The following FOXO3 variants were observed in gnomAD, a reference collection of about 807,000 sequenced individuals.
FOXO3 encodes the protein forkhead box protein O3.
Under a neutral mutation model 41.9 loss-of-function variants are expected in FOXO3, and 4 were observed. The ratio of observed to expected loss-of-function variants is 0.10; its 90% confidence interval spans 0.05 to 0.22. The LOEUF (loss-of-function observed/expected upper bound fraction) is 0.22, where lower values mean the gene tolerates loss of function less well. FOXO3 is among the 10% of genes least tolerant of loss of function. The pLI is 1.00. For synonymous variants in FOXO3, 318 were observed against 389.3 expected (o/e 0.82, Z 2.16); for missense variants, 534 against 906.8 (o/e 0.59, Z 5.28).
chr6:108,619,874 A>G (rs181081314), intron 1 of FOXO3, among the ~76,000 whole-genome samples: 17 of 152,302 alleles, frequency 1.1e-4, no homozygotes, highest in Non-Finnish European at 2.1e-4. Context: ...TAATGCCTAA[A>G]TCTCACTTAA....
intron 1 of FOXO3, among the ~76,000 whole-genome samples, chr6:108,633,842 TAA>T (rs58983314): frequency 1.4e-5 from 2 of 142,336 alleles, no homozygotes; most frequent in African/African-American, 5.1e-5. Context: ...AGAAGTCAAT[TAA>T]AAAAAAAAAA....
intron 1 of FOXO3, among the ~76,000 whole-genome samples, chr6:108,581,935 T>C (rs1776432740): frequency 6.6e-6 from 1 of 152,236 alleles, no homozygotes; most frequent in African/African-American, 2.4e-5. Flanking sequence ...ATTTCTCATC[T>C]GCATGAAAAA....
At position 108,664,041 on chromosome 6, in the gene FOXO3, C is replaced by G; in HGVS notation, c.1208C>G (p.Pro403Arg). 6 of 1,614,204 alleles carry G rather than the reference C, an allele frequency of 3.7e-6. No individual in the cohort carries two copies. Among genetic ancestry groups the G allele is most frequent in the Non-Finnish European group, 5.1e-6 (6 of 1,180,048 alleles). The part of the protein sequence containing the change: ...NITLPPSQPS[P>R]TGGLMQRSSS... ...ACGCTCCCGCCATCCCAGCCATCGC[C>G]CACTGGGGGACTCATGCAGCGGAGC... Residue 403 changes from proline (P) to arginine (R), a missense_variant, in exon 2 of 3, where the codon CCC becomes CGC. By Grantham distance (103) the Pro-to-Arg change is moderately radical (BLOSUM62 -2). This residue lies in a region of FOXO3 where 185 missense variants were observed against 224.9 expected (regional missense o/e 0.82). Transcript: ENST00000406360.
chr6:108,620,190 A>G (rs17598747), intron 1 of FOXO3, among the ~76,000 whole-genome samples: 14,737 of 152,170 alleles, frequency 0.097, 738 homozygotes, highest in East Asian at 0.15. Context: ...AAAACAGACT[A>G]TGCTTGTACT....
chr6:108,683,050 CTG>C lies in FOXO3; in HGVS notation c.*3261_*3262del, dbSNP rs1770928091. On this transcript the variant is annotated 3_prime_UTR_variant, in exon 3 of 3. Transcript: ENST00000406360. ...TGCCAGGCTCAGTGTACCCCATTAA[CTG>C]TGAATGAATCTGAGCTTGGTTTCCT... is the stretch of plus-strand genomic sequence containing the variant. 6.6e-6 allele frequency: 1 copy of C among 152,660 alleles called. No individual in the cohort carries two copies. Among genetic ancestry groups the C allele is most frequent in the South Asian group, 2.1e-4 (1 of 4,828 alleles). 9.5% of individuals were successfully genotyped at this position (152,660 alleles called of 1,614,324 possible).
At chr6:108,573,810 C>T (rs963250029) in intron 1 of FOXO3, among the ~76,000 whole-genome samples, 6 of 151,742 alleles carry the variant, frequency 4.0e-5, no homozygotes, top group Non-Finnish European at 7.4e-5. Context: ...GCCTGGGGGA[C>T]AAGAGCAAGA....
At chr6:108,569,987 G>GTTTTTTTTTTTTTTTTTT (rs71015551) in intron 1 of FOXO3, among the ~76,000 whole-genome samples, 14 of 73,262 alleles carry the variant, frequency 1.9e-4, no homozygotes, top group Non-Finnish European at 2.9e-4. Flanking sequence ...CCCTTGCGTG[G>GTTTTTTTTTTTTTTTTTT]TTTTTTTTTT....
At chr6:108,624,209 C>T (rs908238871) in intron 1 of FOXO3, among the ~76,000 whole-genome samples, 1 of 151,990 alleles carries the variant, frequency 6.6e-6, no homozygotes, top group Non-Finnish European at 1.5e-5. Context: ...AAAGATTTAT[C>T]CTGCATCTGA....
intron 1 of FOXO3, among the ~76,000 whole-genome samples, chr6:108,596,796 G>C (rs1316248619): frequency 6.6e-6 from 1 of 152,172 alleles, no homozygotes. Flanking sequence ...CGTACCAGCA[G>C]ACTGAAGCCC....
At chr6:108,634,175 T>C (rs1016210580) in intron 1 of FOXO3, among the ~76,000 whole-genome samples, 5 of 152,128 alleles carry the variant, frequency 3.3e-5, no homozygotes, top group Non-Finnish European at 7.4e-5. Flanking sequence ...ACAGGAGGCA[T>C]GAAAGAAAAA....
chr6:108,601,905 GGTT>G (rs1431788208), intron 1 of FOXO3, among the ~76,000 whole-genome samples: 1 of 152,152 alleles, frequency 6.6e-6, no homozygotes, highest in Non-Finnish European at 1.5e-5. Flanking sequence ...TGGACATTTG[GGTT>G]GTTTTCAGTT....
At chr6:108,573,900 T>C (rs545238882) in intron 1 of FOXO3, among the ~76,000 whole-genome samples, 1 of 152,148 alleles carries the variant, frequency 6.6e-6, no homozygotes, top group Non-Finnish European at 1.5e-5. Context: ...ACGCCTGTAA[T>C]CCCAGCACTT....
chr6:108,605,116 AACTT>A (rs1427577876), intron 1 of FOXO3, among the ~76,000 whole-genome samples: 1 of 150,744 alleles, frequency 6.6e-6, no homozygotes, highest in African/African-American at 2.4e-5. Flanking sequence ...ATCTAATACT[AACTT>A]TTCTTTTTTT....
intron 1 of FOXO3, among the ~76,000 whole-genome samples, chr6:108,612,386 A>G (rs1777387596): frequency 6.6e-6 from 1 of 152,142 alleles, no homozygotes; most frequent in South Asian, 2.1e-4. Flanking sequence ...ATGTCTATAA[A>G]TAGAGTTTTC....
At position 108,565,477 on chromosome 6, in the gene FOXO3, A is replaced by C. The variant is rs547176735; in HGVS notation, c.621+3648A>C. Among the ~76,000 whole-genome samples the C allele has an allele frequency of 7.2e-5, 11 of 152,304 alleles. No individual in the cohort carries two copies. In the South Asian group the frequency reaches 1.2e-3, roughly 17 times the overall value. ...TCTTGTCTTGGGGAGACCTCTAAGG[A>C]CGCCAGGGCTTACCTGGTAAGGCCT... On this transcript the variant is annotated intron_variant, in intron 1 of 2. Transcript: ENST00000406360.
At chr6:108,629,388 C>T (rs917174835) in intron 1 of FOXO3, among the ~76,000 whole-genome samples, 2 of 152,074 alleles carry the variant, frequency 1.3e-5, no homozygotes, top group African/African-American at 2.4e-5. Flanking sequence ...AAGATCTGAG[C>T]ACAGTGGATT....
intron 1 of FOXO3, among the ~76,000 whole-genome samples, chr6:108,573,736 G>A (rs1284854154): frequency 1.2e-4 from 19 of 152,016 alleles, no homozygotes; most frequent in Non-Finnish European, 2.8e-4. Context: ...GGCTGAAGCA[G>A]GAGAATTGCT....
chr6:108,592,727 A>G (rs1776761789), intron 1 of FOXO3, among the ~76,000 whole-genome samples: 1 of 152,146 alleles, frequency 6.6e-6, no homozygotes, highest in South Asian at 2.1e-4. Flanking sequence ...GAATACTGAA[A>G]TAAAGTGTCA....
intron 1 of FOXO3, among the ~76,000 whole-genome samples, chr6:108,651,067 T>C (rs1353522685): frequency 1.3e-5 from 2 of 152,220 alleles, no homozygotes; most frequent in South Asian, 2.1e-4. Context: ...CTCGGGAGGC[T>C]CCTCATTAGA....
Sources: allele counts gnomAD v4.1 joint callset (sites outside exome capture counted in the v4.1 genomes callset), GRCh38; gene constraint gnomAD v4.1.1; regional missense constraint gnomAD v4.1.1; transcripts MANE v1.5; gene names NCBI Gene and HGNC (gene_info 2026-07-23, HGNC 2026-07-21).